The following CSMD1 variants were observed in gnomAD, a reference collection of about 807,000 sequenced individuals.
CSMD1 encodes CUB and Sushi multiple domains 1, also known as CUB and sushi domain-containing protein 1.
A neutral mutation model predicts 417.5 loss-of-function variants in CSMD1; 213 were observed. The observed-to-expected ratio is 0.51, with a 90% CI of 0.46 to 0.57. The LOEUF (loss-of-function observed/expected upper bound fraction) is 0.57. Ranked by LOEUF, CSMD1 falls within the 20% of genes least tolerant of loss-of-function variation. CSMD1 has a pLI of 0.00. For missense variants in CSMD1, 6,923 were observed against 4,529.7 expected (o/e 1.53, Z -15.17); for synonymous variants, 2,862 against 1,736.8 (o/e 1.65, Z -16.11).
chr8:3,487,311 C>G (rs1437789901), intron 11 of CSMD1, among the ~76,000 whole-genome samples: 4 of 152,144 alleles, frequency 2.6e-5, no homozygotes, highest in African/African-American at 9.7e-5. Context: ...ACGCCATTCT[C>G]CTGCCTCAGC....
At chr8:3,482,784 C>G (rs1817821547) in intron 11 of CSMD1, among the ~76,000 whole-genome samples, 1 of 152,110 alleles carries the variant, frequency 6.6e-6, no homozygotes, top group Non-Finnish European at 1.5e-5. Flanking sequence ...AATTTGTTCT[C>G]TGATCACAAA....
intron 4 of CSMD1, among the ~76,000 whole-genome samples, chr8:4,026,147 A>T (rs1303040157): frequency 6.6e-6 from 1 of 152,126 alleles, no homozygotes; most frequent in African/African-American, 2.4e-5. Flanking sequence ...ATCTCTCATA[A>T]ATATGTCACA....
chr8:4,009,738 G>A (rs984281432), intron 4 of CSMD1, among the ~76,000 whole-genome samples: 1 of 151,982 alleles, frequency 6.6e-6, no homozygotes, highest in Non-Finnish European at 1.5e-5. Context: ...TACCTCCACA[G>A]GCGCTCACTC....
At chr8:3,876,665 A>G (rs1332924711) in intron 5 of CSMD1, among the ~76,000 whole-genome samples, 4 of 152,148 alleles carry the variant, frequency 2.6e-5, no homozygotes, top group Non-Finnish European at 1.5e-5. Context: ...GGTGAAGTGC[A>G]GTGGTGCTAT....
chr8:4,339,749 T>C (rs1301961892), intron 3 of CSMD1, among the ~76,000 whole-genome samples: 1 of 151,994 alleles, frequency 6.6e-6, no homozygotes, highest in Non-Finnish European at 1.5e-5. Flanking sequence ...AAAAGCTGAG[T>C]GCAGGGGCTT....
intron 7 of CSMD1, among the ~76,000 whole-genome samples, chr8:3,633,645 A>G (rs560794204): frequency 1.3e-5 from 2 of 152,356 alleles, no homozygotes; most frequent in South Asian, 2.1e-4. Context: ...TGTTAATGAC[A>G]TATTTTTCAA....
rs1239179626 is a variant in CSMD1 at position 3,376,390 on chromosome 8, A to G, written c.2783-7020T>C. On this transcript the variant is annotated intron_variant, in intron 18 of 69. Transcript: ENST00000635120. ...AGCATTGATTATATCTCATGGTGACACAGACTTGTTTTTAAAGCTTTCTAT... is the reference window on the plus strand; with the variant it reads ...AGCATTGATTATATCTCATGGTGACGCAGACTTGTTTTTAAAGCTTTCTAT... 2.6e-5 allele frequency among the ~76,000 whole-genome samples: 4 copies of G among 152,182 alleles called. No individual in the cohort carries two copies. The East Asian group carries it at 5.8e-4, about 22-fold the overall frequency.
chr8:4,173,825 AG>A (rs1446862217), intron 3 of CSMD1, among the ~76,000 whole-genome samples: 1 of 152,160 alleles, frequency 6.6e-6, no homozygotes, highest in Non-Finnish European at 1.5e-5. Context: ...CAATCTGATC[AG>A]GCTTCTCAGT....
chr8:4,633,680 C>T (rs958849095), intron 2 of CSMD1, among the ~76,000 whole-genome samples: 4 of 152,146 alleles, frequency 2.6e-5, no homozygotes, highest in African/African-American at 9.7e-5. Flanking sequence ...CCTCAGCCTC[C>T]CGAGTAGCTG....
At chr8:3,275,603 T>C (rs1399350664) in intron 26 of CSMD1, among the ~76,000 whole-genome samples, 1 of 152,218 alleles carries the variant, frequency 6.6e-6, no homozygotes, top group Non-Finnish European at 1.5e-5. Flanking sequence ...CATAGTCCCA[T>C]ATTTCTTGGA....
chr8:4,646,924 T>C (rs1030668837), intron 1 of CSMD1, among the ~76,000 whole-genome samples: 5 of 152,148 alleles, frequency 3.3e-5, no homozygotes, highest in Non-Finnish European at 7.3e-5. Context: ...TCAAAATTAG[T>C]ACACACATTT....
At chr8:3,132,994 C>A (rs1201514126) in intron 41 of CSMD1, among the ~76,000 whole-genome samples, 1 of 152,214 alleles carries the variant, frequency 6.6e-6, no homozygotes, top group Non-Finnish European at 1.5e-5. Flanking sequence ...CTGGGAGGAA[C>A]CTCTCCCACT....
At chr8:3,995,435 G>A (rs1420061988) in intron 5 of CSMD1, among the ~76,000 whole-genome samples, 6 of 152,226 alleles carry the variant, frequency 3.9e-5, no homozygotes, top group South Asian at 2.1e-4. Flanking sequence ...TCTTTACCCC[G>A]ACAGTTACCT....
At chr8:3,049,709 T>C (rs1267374448) in intron 50 of CSMD1, among the ~76,000 whole-genome samples, 1 of 152,058 alleles carries the variant, frequency 6.6e-6, no homozygotes, top group Non-Finnish European at 1.5e-5. Context: ...ATTACACATT[T>C]GTCCAAGCCC....
intron 3 of CSMD1, among the ~76,000 whole-genome samples, chr8:4,059,816 A>G (rs964321990): frequency 1.3e-5 from 2 of 151,006 alleles, no homozygotes; most frequent in African/African-American, 4.9e-5. Context: ...TTACCAACCA[A>G]AAAGAGTCCA....
At chr8:3,384,757 A>ATTATATAAATATATATTTATATAC (rs1169009020) in intron 18 of CSMD1, among the ~76,000 whole-genome samples, 2 of 121,566 alleles carry the variant, frequency 1.6e-5, no homozygotes, top group African/African-American at 6.4e-5. Flanking sequence ...TATTTATATA[A>ATTATATAAATATATATTTATATAC]ATTATATAAA....
chr8:4,715,401 C>G (rs900716868), intron 1 of CSMD1, among the ~76,000 whole-genome samples: 3 of 152,128 alleles, frequency 2.0e-5, no homozygotes, highest in East Asian at 1.9e-4. Context: ...ACATGTAAAA[C>G]AGATACCTTT....
chr8:4,071,447 T>C (rs1799553884), intron 3 of CSMD1, among the ~76,000 whole-genome samples: 1 of 152,166 alleles, frequency 6.6e-6, no homozygotes, highest in South Asian at 2.1e-4. Flanking sequence ...GATTTTCATT[T>C]TATAACGCCT....
Position 3,965,913 on chromosome 8 carries a change from G to A in CSMD1, c.818+31990C>T, listed in dbSNP as rs148679899. 3.4e-3 allele frequency among the ~76,000 whole-genome samples: 522 copies of A among 152,196 alleles called. 2 individuals carry two copies. The highest frequency in any genetic ancestry group is 0.011 in the African/African-American group (463 of 41,526). ...ACTACAGGTATGAGCCACCATGCCCGGCCAATGGTTATGATTTTATAAGAA... is the reference window on the plus strand; with the variant it reads ...ACTACAGGTATGAGCCACCATGCCCAGCCAATGGTTATGATTTTATAAGAA... On this transcript the variant is annotated intron_variant, in intron 5 of 69. Coordinates refer to ENST00000635120, the MANE Select transcript of CSMD1 (RefSeq NM_033225.6).
Sources: allele counts gnomAD v4.1 joint callset (sites outside exome capture counted in the v4.1 genomes callset), GRCh38; gene constraint gnomAD v4.1.1; transcripts MANE v1.5; gene names NCBI Gene and HGNC (gene_info 2026-07-23, HGNC 2026-07-21).